Variants in FRMPD4 observed in about 807,000 individuals in gnomAD.
FRMPD4 encodes FERM and PDZ domain containing 4.
A neutral mutation model predicts 94.1 loss-of-function variants in FRMPD4; 22 were observed. That is an observed-to-expected ratio of 0.23 (90% CI 0.17 to 0.33). FRMPD4 has a LOEUF of 0.33. FRMPD4 is among the 10% of genes least tolerant of loss of function. The pLI, the probability that FRMPD4 is intolerant of heterozygous loss-of-function variation, is 1.00. For missense variants in FRMPD4, 1,111 were observed against 1,339.9 expected (o/e 0.83, Z 2.67); for synonymous variants, 631 against 548.6 (o/e 1.15, Z -2.10).
At chrX:11,839,995 G>C (rs1477568624) in intron 1 of FRMPD4, among the ~76,000 whole-genome samples, 1 of 111,613 alleles carries the variant, frequency 9.0e-6, no homozygotes, top group Non-Finnish European at 1.9e-5. Flanking sequence ...TTTACAGTAA[G>C]TTTTGAAATT....
intron 1 of FRMPD4, among the ~76,000 whole-genome samples, chrX:12,259,606 A>G (rs1446578111): frequency 9.0e-6 from 1 of 111,698 alleles, no homozygotes; most frequent in Admixed American, 9.5e-5. Flanking sequence ...GTACTTTGTT[A>G]CACAGTTCTA....
At chrX:12,229,050 C>A (rs2056955008) in intron 1 of FRMPD4, among the ~76,000 whole-genome samples, 1 of 112,092 alleles carries the variant, frequency 8.9e-6, no homozygotes, top group Non-Finnish European at 1.9e-5. Context: ...TACGTGAAAG[C>A]TTCTCCTTTT....
At chrX:12,100,944 G>T (rs1002594827) in intron 3 of FRMPD4, among the ~76,000 whole-genome samples, 2 of 112,294 alleles carry the variant, frequency 1.8e-5, no homozygotes, top group African/African-American at 3.2e-5. Context: ...TGTCTTTGTG[G>T]CTTATTATTT....
chrX:11,992,038 A>T (rs2054467467), intron 3 of FRMPD4, among the ~76,000 whole-genome samples: 2 of 111,548 alleles, frequency 1.8e-5, no homozygotes, highest in African/African-American at 6.5e-5. Flanking sequence ...TTATATCTAG[A>T]CTACTATCCA....
At position 12,717,737 on chromosome X, in the gene FRMPD4, CTG is replaced by C; in HGVS notation, c.2912_2913del (p.Leu971ArgfsTer3). ...CTTGCCTCCAAAGTCCTCGCACGCC[CTG>C]GCTGCTAGGCCAGCAACCGACCTCC... Reference protein sequence around the residue: ...GGLPPKSSHALAARPATDLPP... With the variant: ...GGLPPKSSHAXAARPATDLPP... On this transcript the variant is annotated frameshift_variant, in exon 16 of 17. Transcript: ENST00000675598. LOFTEE classifies it high-confidence loss of function. The C allele has an allele frequency of 8.3e-7, 1 of 1,211,804 alleles. No individual in the cohort carries two copies. Among genetic ancestry groups the C allele is most frequent in the East Asian group, 3.0e-5 (1 of 33,854 alleles).
intron 1 of FRMPD4, among the ~76,000 whole-genome samples, chrX:12,436,178 G>A (rs1043127210): frequency 2.7e-5 from 3 of 110,777 alleles, no homozygotes; most frequent in African/African-American, 9.9e-5. Flanking sequence ...GCTAATTTTT[G>A]TATTTTTAGT....
chrX:12,288,715 A>C (rs1357410146), intron 1 of FRMPD4, among the ~76,000 whole-genome samples: 1 of 112,125 alleles, frequency 8.9e-6, no homozygotes, highest in African/African-American at 3.2e-5. Context: ...CTTGGTGATG[A>C]ATGAGATACA....
chrX:11,951,717 C>A (rs867251685), intron 3 of FRMPD4, among the ~76,000 whole-genome samples: 1 of 112,199 alleles, frequency 8.9e-6, no homozygotes, highest in South Asian at 3.7e-4. Flanking sequence ...ATGTAACAAA[C>A]CTGCACATGT....
At chrX:12,159,598 C>A (rs1391449292) in intron 1 of FRMPD4, among the ~76,000 whole-genome samples, 1 of 111,992 alleles carries the variant, frequency 8.9e-6, no homozygotes, top group African/African-American at 3.3e-5. Flanking sequence ...TTATAGAAGT[C>A]TGGCAGTAGA....
chrX:12,272,592 C>A (rs974023745), intron 1 of FRMPD4, among the ~76,000 whole-genome samples: 8 of 111,965 alleles, frequency 7.1e-5, no homozygotes, highest in Non-Finnish European at 1.3e-4. Context: ...TTCAACTTTT[C>A]TTTACTTATA....
At chrX:11,949,711 G>A (rs765902921) in intron 3 of FRMPD4, among the ~76,000 whole-genome samples, 16 of 111,271 alleles carry the variant, frequency 1.4e-4, no homozygotes, top group Non-Finnish European at 2.6e-4. Flanking sequence ...GCTTCAATAG[G>A]TGGTGATCAC....
Position 12,710,387 on chromosome X carries a change from T to C in FRMPD4, c.1471-12T>C, listed in dbSNP as rs2041962368. ...ATGGATGGCTTTAACCAAAGTGTTC[T>C]CTTTTGTGTAGCCTATCACGCTTCT... On this transcript the variant is annotated splice_polypyrimidine_tract_variant and intron_variant, in intron 13 of 16. Coordinates refer to ENST00000675598, the MANE Select transcript of FRMPD4 (RefSeq NM_001368397.1). 2 of 1,190,639 alleles carry C rather than the reference T, an allele frequency of 1.7e-6. No individual in the cohort carries two copies. The highest frequency in any genetic ancestry group is 2.2e-5 in the Admixed American group (1 of 44,857).
chrX:12,115,594 G>T (rs1388803121), intron 3 of FRMPD4, among the ~76,000 whole-genome samples: 4 of 106,543 alleles, frequency 3.8e-5, no homozygotes, highest in African/African-American at 1.4e-4. Flanking sequence ...TGTCCACACT[G>T]CATGTCCTAA....
At chrX:12,196,571 G>T (rs963301659) in intron 1 of FRMPD4, among the ~76,000 whole-genome samples, 2 of 109,526 alleles carry the variant, frequency 1.8e-5, no homozygotes, top group African/African-American at 6.6e-5. Flanking sequence ...GTTAAGTGGT[G>T]ATTGATACTG....
At chrX:12,214,951 A>G (rs1392588386) in intron 1 of FRMPD4, among the ~76,000 whole-genome samples, 1 of 112,047 alleles carries the variant, frequency 8.9e-6, no homozygotes, top group Non-Finnish European at 1.9e-5. Flanking sequence ...GTAATTATAC[A>G]TAAATTAATA....
At chrX:11,997,419 C>T (rs1418402576) in intron 3 of FRMPD4, among the ~76,000 whole-genome samples, 1 of 111,973 alleles carries the variant, frequency 8.9e-6, no homozygotes, top group East Asian at 2.8e-4. Context: ...GTATTAGTCA[C>T]TTACTGCTGT....
intron 3 of FRMPD4, among the ~76,000 whole-genome samples, chrX:11,913,460 T>G (rs1173010639): frequency 3.6e-5 from 4 of 112,078 alleles, no homozygotes; most frequent in African/African-American, 1.3e-4. Flanking sequence ...ACAGTGAAGA[T>G]TATGAATCTC....
chrX:12,382,967 C>G (rs1195803940), intron 1 of FRMPD4, among the ~76,000 whole-genome samples: 1 of 111,873 alleles, frequency 8.9e-6, no homozygotes, highest in African/African-American at 3.3e-5. Flanking sequence ...GCTCCTAATT[C>G]ATCTTGTTTA....
At chrX:11,881,083 C>T (rs934150980) in intron 3 of FRMPD4, among the ~76,000 whole-genome samples, 1 of 112,348 alleles carries the variant, frequency 8.9e-6, no homozygotes, top group African/African-American at 3.2e-5. Flanking sequence ...CAATGAGATG[C>T]CGTGCCACAC....
Sources: gnomAD v4.1 joint callset for allele counts (sites outside exome capture counted in the v4.1 genomes callset) on GRCh38, gnomAD v4.1.1 for gene constraint, MANE v1.5 for transcripts, NCBI Gene and HGNC (gene_info 2026-07-23, HGNC 2026-07-21) for gene names.